Variants in NUDCD1 observed in about 807,000 individuals in gnomAD.
NUDCD1 encodes nudC domain-containing protein 1.
NUDCD1 carries 60 observed loss-of-function variants against 67.8 expected under a neutral mutation model. The observed-to-expected ratio is 0.88, with a 90% CI of 0.72 to 1.10. The LOEUF (loss-of-function observed/expected upper bound fraction) is 1.10. Among genes scored for constraint, NUDCD1 ranks in the 50% least tolerant of loss-of-function variants. The probability of loss-of-function intolerance (pLI) is 0.00; values close to 1 mark genes in which losing one functional copy is unlikely to be tolerated. For missense variants in NUDCD1, 643 were observed against 695.0 expected, an observed-to-expected ratio of 0.93 and a Z score of 0.84; for synonymous variants, 244 against 230.8, an observed-to-expected ratio of 1.06 and a Z score of -0.52.
At chr8:109,320,584 C>A (rs1409197080) in intron 2 of NUDCD1, among the ~76,000 whole-genome samples, 1 of 152,110 alleles carries the variant, frequency 6.6e-6, no homozygotes, top group Non-Finnish European at 1.5e-5. Flanking sequence ...GCAATTATTA[C>A]AGGGTCCTGA....
chr8:109,292,337 A>G (rs955605574), intron 4 of NUDCD1, among the ~76,000 whole-genome samples: 2 of 152,112 alleles, frequency 1.3e-5, no homozygotes, highest in African/African-American at 4.8e-5. Flanking sequence ...TACAACACCA[A>G]AAAGAACTAA....
chr8:109,289,709 T>C (rs751317789), intron 5 of NUDCD1, 42 bp downstream of exon 5: 1 of 1,019,476 alleles, frequency 9.8e-7, no homozygotes, highest in Non-Finnish European at 1.5e-6. Context: ...TAAATATATG[T>C]TTATGAAAAT....
In NUDCD1 at chr8:109,245,449, A is replaced by T. The variant is rs1408438660; in HGVS notation, c.1332T>A (p.Ser444=). 6.2e-7 allele frequency: 1 copy of T among 1,613,060 alleles called. No individual in the cohort carries two copies. Among genetic ancestry groups the T allele is most frequent in the Non-Finnish European group, 8.5e-7 (1 of 1,179,504 alleles). ...VNLGSNQYLF[S]VIVDPKEMPC... is the part of the protein sequence containing the mutation. ...GCATTTCTTTAGGATCCACTATGAC[A>T]GAGAAAAGGTACTGGTTGCTTCCAA... The change falls in exon 9 of 10, where the codon TCT becomes TCA. Residue 444 remains serine, a synonymous_variant. Coordinates refer to ENST00000239690, the MANE Select transcript of NUDCD1 (RefSeq NM_032869.4).
chr8:109,324,203 CAA>C (rs969505000), intron 1 of NUDCD1, among the ~76,000 whole-genome samples: 9 of 119,184 alleles, frequency 7.6e-5, no homozygotes, highest in South Asian at 2.6e-4. Context: ...GCTGTTGAAG[CAA>C]AAAAAAAAAA....
chr8:109,294,516 T>C (rs553719778), intron 3 of NUDCD1, among the ~76,000 whole-genome samples: 1 of 152,180 alleles, frequency 6.6e-6, no homozygotes, highest in South Asian at 2.1e-4. Flanking sequence ...GTTTGAGGAA[T>C]AGGGGAAACA....
At chr8:109,270,771 T>C (rs951331679) in intron 8 of NUDCD1, among the ~76,000 whole-genome samples, 1 of 152,088 alleles carries the variant, frequency 6.6e-6, no homozygotes, top group Admixed American at 6.5e-5. Context: ...AATTGTATAT[T>C]AAAAAGCTGT....
chr8:109,274,756 C>T (rs1277793797), intron 7 of NUDCD1, among the ~76,000 whole-genome samples: 2 of 151,624 alleles, frequency 1.3e-5, no homozygotes, highest in Admixed American at 6.6e-5. Context: ...CTTTCATATG[C>T]TGATATCATT....
chr8:109,268,902 A>G (rs1362347557), intron 8 of NUDCD1, among the ~76,000 whole-genome samples: 1 of 152,138 alleles, frequency 6.6e-6, no homozygotes, highest in Admixed American at 6.5e-5. Flanking sequence ...ACTAAACAAC[A>G]TCTAGGAAGT....
intron 2 of NUDCD1, among the ~76,000 whole-genome samples, chr8:109,297,213 C>T (rs1814865755): frequency 6.6e-6 from 1 of 152,126 alleles, no homozygotes; most frequent in African/African-American, 2.4e-5. Flanking sequence ...ATTTTTAACT[C>T]ACTAGTTAGA....
intron 8 of NUDCD1, among the ~76,000 whole-genome samples, chr8:109,256,008 T>C (rs1282938584): frequency 6.6e-6 from 1 of 152,264 alleles, no homozygotes; most frequent in East Asian, 1.9e-4. Context: ...TTCAGGAGTC[T>C]GATACCTGCT....
chr8:109,320,061 A>G (rs1016467709), intron 2 of NUDCD1, among the ~76,000 whole-genome samples: 51 of 152,196 alleles, frequency 3.4e-4, no homozygotes, highest in Non-Finnish European at 6.5e-4. Context: ...ATAGAATATC[A>G]CAAGGCAAGT....
Position 109,242,009 on chromosome 8 carries a change from T to C in NUDCD1, c.*1000A>G, listed in dbSNP as rs1273782169. ...AAACTATAACATATAAACAGGATTA[T>C]TTTGTTGAAGTTGTTAGAAAAATAA... On this transcript the variant is annotated 3_prime_UTR_variant, in exon 10 of 10. Transcript: ENST00000239690. 5 of 397,590 alleles carry C rather than the reference T, an allele frequency of 1.3e-5. No homozygotes were observed. Among genetic ancestry groups the C allele is most frequent in the Non-Finnish European group, 4.4e-6 (1 of 225,418 alleles). The allele number at this position is 397,590 out of a possible 1,614,324, so 24.6% of individuals were successfully genotyped here. A position where few individuals can be genotyped will look rare whatever the true frequency, so the allele number is the denominator to read the frequency against.
At chr8:109,298,542 A>G (rs1814898870) in intron 2 of NUDCD1, 1 of 152,230 alleles carries the variant, frequency 6.6e-6, no homozygotes, top group Non-Finnish European at 1.5e-5. Flanking sequence ...AGTGTGTTAA[A>G]GGAAAAGGAA....
chr8:109,294,330 C>T (rs1814786733), intron 3 of NUDCD1, among the ~76,000 whole-genome samples: 1 of 152,094 alleles, frequency 6.6e-6, no homozygotes. Context: ...TTAATGTCAT[C>T]AAGTTCCCTA....
At chr8:109,326,411 A>T (rs1041799481) in intron 1 of NUDCD1, among the ~76,000 whole-genome samples, 1 of 152,188 alleles carries the variant, frequency 6.6e-6, no homozygotes, top group Non-Finnish European at 1.5e-5. Flanking sequence ...AGCAACTGAA[A>T]GTAGAAAAGC....
At chr8:109,308,650 A>G (rs573263646) in intron 2 of NUDCD1, among the ~76,000 whole-genome samples, 1 of 152,266 alleles carries the variant, frequency 6.6e-6, no homozygotes, top group African/African-American at 2.4e-5. Context: ...GGGAGACATT[A>G]CAATTTAAAA....
At chr8:109,282,371 C>T (rs574965311) in intron 5 of NUDCD1, among the ~76,000 whole-genome samples, 33 of 152,258 alleles carry the variant, frequency 2.2e-4, no homozygotes, top group African/African-American at 7.9e-4. Context: ...AATATACAAC[C>T]TGCCAACAGA....
At chr8:109,325,772 A>T (rs763834398) in intron 1 of NUDCD1, among the ~76,000 whole-genome samples, 22 of 152,250 alleles carry the variant, frequency 1.4e-4, no homozygotes, top group Non-Finnish European at 2.6e-4. Context: ...GTTTTTAAGC[A>T]GGAGAGTAAA....
chr8:109,252,629 G>A (rs78679974), intron 8 of NUDCD1, among the ~76,000 whole-genome samples: 3,544 of 152,202 alleles, frequency 0.023, 68 homozygotes, highest in Non-Finnish European at 0.036. Flanking sequence ...TGACAGTTAC[G>A]GGTCACACCA....
Sources: allele counts gnomAD v4.1 joint callset (sites outside exome capture counted in the v4.1 genomes callset), GRCh38; gene constraint gnomAD v4.1.1; transcripts MANE v1.5; gene names NCBI Gene and HGNC (gene_info 2026-07-23, HGNC 2026-07-21).